ASIC2: variants seen among roughly 807,000 people sequenced by gnomAD.
The protein encoded by ASIC2 is acid sensing ion channel subunit 2, also known as acid-sensing ion channel 2.
ASIC2 carries 25 observed loss-of-function variants against 57.3 expected under a neutral mutation model. That is an observed-to-expected ratio of 0.44 (90% CI 0.32 to 0.61). The LOEUF (loss-of-function observed/expected upper bound fraction) is 0.61. Among genes scored for constraint, ASIC2 ranks in the 20% least tolerant of loss-of-function variants. The pLI is 0.06. For missense variants in ASIC2, 641 were observed against 738.1 expected (o/e 0.87, Z 1.52); for synonymous variants, 319 against 307.5 (o/e 1.04, Z -0.39).
intron 1 of ASIC2, among the ~76,000 whole-genome samples, chr17:33,158,275 TTGAATGAATGAA>T (rs3082795): frequency 6.6e-6 from 1 of 151,440 alleles, no homozygotes; most frequent in Admixed American, 6.6e-5. Flanking sequence ...TCAGCAATAC[TTGAATGAATGAA>T]TGAATGAATG....
intron 1 of ASIC2, chr17:33,581,018 AC>A (rs1308251349): frequency 6.6e-6 from 1 of 152,238 alleles, no homozygotes; most frequent in Admixed American, 6.5e-5. Flanking sequence ...CTGAGATACC[AC>A]GTCCATGAAT....
intron 1 of ASIC2, among the ~76,000 whole-genome samples, chr17:33,669,558 T>A (rs975139731): frequency 6.6e-6 from 1 of 152,188 alleles, no homozygotes; most frequent in East Asian, 1.9e-4. Flanking sequence ...TTTTATAACC[T>A]ATTTAGCATT....
chr17:34,073,132 C>G (rs1368994785), intron 1 of ASIC2, among the ~76,000 whole-genome samples: 7 of 152,084 alleles, frequency 4.6e-5, no homozygotes, highest in Admixed American at 2.0e-4. Flanking sequence ...GGTCAGGAAA[C>G]TTTTTCTATA....
intron 1 of ASIC2, among the ~76,000 whole-genome samples, chr17:33,823,036 C>T (rs1218576474): frequency 6.6e-6 from 1 of 152,080 alleles, no homozygotes; most frequent in Non-Finnish European, 1.5e-5. Context: ...GACAGGAGAC[C>T]CGAGTTCAAT....
intron 1 of ASIC2, among the ~76,000 whole-genome samples, chr17:33,967,731 A>G (rs963317517): frequency 6.6e-6 from 1 of 152,230 alleles, no homozygotes; most frequent in Non-Finnish European, 1.5e-5. Flanking sequence ...ATGCTCAATT[A>G]GTAGTAGTAA....
chr17:33,939,510 T>A (rs1236415346), intron 1 of ASIC2, among the ~76,000 whole-genome samples: 1 of 152,166 alleles, frequency 6.6e-6, no homozygotes, highest in East Asian at 1.9e-4. Context: ...CTCCTCTAAT[T>A]CCCTGGATCC....
intron 1 of ASIC2, among the ~76,000 whole-genome samples, chr17:33,344,221 T>C (rs72821110): frequency 6.4e-4 from 97 of 152,298 alleles, no homozygotes; most frequent in Non-Finnish European, 1.3e-3. Flanking sequence ...AGTAAATATT[T>C]TGAATGACCC....
At chr17:33,269,696 T>TCCC in intron 1 of ASIC2, among the ~76,000 whole-genome samples, 1 of 59,408 alleles carries the variant, frequency 1.7e-5, no homozygotes, top group Non-Finnish European at 3.6e-5. Context: ...CCTGCCTGCC[T>TCCC]GCCTGCCTGC....
chr17:33,248,532 C>G (rs1215368096), intron 1 of ASIC2, among the ~76,000 whole-genome samples: 1 of 152,182 alleles, frequency 6.6e-6, no homozygotes, highest in Non-Finnish European at 1.5e-5. Flanking sequence ...TGGCTGAAAA[C>G]AACAGGAATT....
intron 1 of ASIC2, among the ~76,000 whole-genome samples, chr17:33,469,030 G>C (rs1284839683): frequency 3.9e-5 from 6 of 152,234 alleles, no homozygotes; most frequent in Non-Finnish European, 1.5e-5. Context: ...CCAGAGAAGG[G>C]AGGCAGCCAA....
chr17:33,159,046 C>A (rs752272440), intron 1 of ASIC2, among the ~76,000 whole-genome samples: 2 of 152,176 alleles, frequency 1.3e-5, no homozygotes, highest in African/African-American at 4.8e-5. Flanking sequence ...TGGGGATGTG[C>A]GTGGTTACCA....
At chr17:33,889,606 A>G (rs1361757796) in intron 1 of ASIC2, among the ~76,000 whole-genome samples, 2 of 152,218 alleles carry the variant, frequency 1.3e-5, no homozygotes, top group Non-Finnish European at 2.9e-5. Flanking sequence ...TCTCACCAAG[A>G]TAATACTAAC....
At chr17:33,659,521 G>T (rs72811199) in intron 1 of ASIC2, among the ~76,000 whole-genome samples, 4 of 152,292 alleles carry the variant, frequency 2.6e-5, no homozygotes, top group Non-Finnish European at 5.9e-5. Context: ...AATGGTAAGG[G>T]TTTGTGTATC....
chr17:33,834,218 AT>A (rs2141902844), intron 1 of ASIC2: 1 of 132,260 alleles, frequency 7.6e-6, no homozygotes, highest in African/African-American at 2.6e-5. Context: ...GTCAATCATT[AT>A]CTTTTGCTTT....
At chr17:34,050,484 A>T (rs1165471615) in intron 1 of ASIC2, among the ~76,000 whole-genome samples, 3 of 152,308 alleles carry the variant, frequency 2.0e-5, no homozygotes, top group Admixed American at 2.0e-4. Flanking sequence ...TTCCCACTTA[A>T]TCAGAATATC....
At chr17:34,016,341 G>A (rs914396737) in intron 1 of ASIC2, among the ~76,000 whole-genome samples, 26 of 147,448 alleles carry the variant, frequency 1.8e-4, no homozygotes, top group Non-Finnish European at 3.1e-4. Flanking sequence ...GGAGAACGGC[G>A]TGAACCCGGG....
chr17:33,172,534 A>G (rs1050759558), intron 1 of ASIC2, among the ~76,000 whole-genome samples: 1 of 152,202 alleles, frequency 6.6e-6, no homozygotes. Flanking sequence ...GACAAGAACA[A>G]GCACAAACAC....
chr17:33,738,323 A>T (rs899642205), intron 1 of ASIC2, among the ~76,000 whole-genome samples: 4 of 152,200 alleles, frequency 2.6e-5, no homozygotes, highest in Non-Finnish European at 5.9e-5. Flanking sequence ...ACAACTTTAC[A>T]TGGTGCTTGT....
intron 1 of ASIC2, among the ~76,000 whole-genome samples, chr17:33,459,736 G>T (rs1017426845): frequency 1.3e-5 from 2 of 152,178 alleles, no homozygotes; most frequent in Non-Finnish European, 2.9e-5. Context: ...GTGGGGATGA[G>T]GTATCTGTCC....
Sources: gnomAD v4.1 joint callset for allele counts (sites outside exome capture counted in the v4.1 genomes callset) on GRCh38, gnomAD v4.1.1 for gene constraint, MANE v1.5 for transcripts, NCBI Gene and HGNC (gene_info 2026-07-23, HGNC 2026-07-21) for gene names.